RBM28: variants seen among roughly 807,000 people sequenced by gnomAD.
RBM28 encodes the protein RNA binding motif protein 28, also known as RNA-binding protein 28.
RBM28 carries 78 observed loss-of-function variants against 98.3 expected under a neutral mutation model. The ratio of observed to expected loss-of-function variants is 0.79; its 90% confidence interval spans 0.66 to 0.96. The LOEUF (loss-of-function observed/expected upper bound fraction) is 0.96. Ranked by LOEUF, RBM28 falls within the 40% of genes least tolerant of loss-of-function variation. The probability of loss-of-function intolerance (pLI) is 0.00; values close to 1 mark genes in which losing one functional copy is unlikely to be tolerated. For missense variants in RBM28, 838 were observed against 913.0 expected, an observed-to-expected ratio of 0.92 and a Z score of 1.06; for synonymous variants, 306 against 330.9, an observed-to-expected ratio of 0.92 and a Z score of 0.82.
At chr7:128,310,987 C>T in intron 18 of RBM28, 56 bp from the exon 19 acceptor site, 6 of 1,563,002 alleles carry the variant, frequency 3.8e-6, no homozygotes, top group Non-Finnish European at 3.5e-6. Context: ...CTATATATCA[C>T]CTTACCCTCA....
intron 17 of RBM28, among the ~76,000 whole-genome samples, chr7:128,313,712 T>C (rs1306836459): frequency 6.6e-6 from 1 of 152,186 alleles, no homozygotes; most frequent in Non-Finnish European, 1.5e-5. Context: ...GGGAGGTGAC[T>C]GGATCATGGG....
chr7:128,341,718 T>C (rs1355013923), intron 1 of RBM28, among the ~76,000 whole-genome samples: 1 of 152,240 alleles, frequency 6.6e-6, no homozygotes, highest in African/African-American at 2.4e-5. Context: ...AGAACTCCCA[T>C]TCAATGGCCT....
intron 8 of RBM28, among the ~76,000 whole-genome samples, chr7:128,334,736 C>A (rs933518613): frequency 3.3e-5 from 5 of 152,116 alleles, no homozygotes; most frequent in Admixed American, 6.5e-5. Context: ...CACTGTGTTC[C>A]CCCAAAATTC....
At chr7:128,320,712 G>C (rs1466119762) in intron 14 of RBM28, among the ~76,000 whole-genome samples, 1 of 152,244 alleles carries the variant, frequency 6.6e-6, no homozygotes, top group Non-Finnish European at 1.5e-5. Flanking sequence ...GCACACAACA[G>C]GCATTTAATA....
At chr7:128,322,804 C>G (rs76299917) in intron 13 of RBM28, among the ~76,000 whole-genome samples, 2 of 152,080 alleles carry the variant, frequency 1.3e-5, no homozygotes, top group Non-Finnish European at 2.9e-5. Flanking sequence ...GTTGAAAACA[C>G]TAGTGCAGAA....
Position 128,335,631 on chromosome 7 carries a change from C to A in RBM28, c.858G>T (p.Glu286Asp). ...APAKSSDHSEEDSDLEESDSI... is the reference protein window; with the variant it reads ...APAKSSDHSEDDSDLEESDSI... Reference sequence around the variant, plus strand: ...TATCGCTTTCCTCTAGGTCACTGTCCTCCTCAGAATGATCACTGCTTTTTG... The same window carrying A: ...TATCGCTTTCCTCTAGGTCACTGTCATCCTCAGAATGATCACTGCTTTTTG... The change falls in exon 8 of 19, where the codon GAG becomes GAT. Residue 286 changes from glutamate (E) to aspartate (D), a missense_variant. Coordinates refer to ENST00000223073, the MANE Select transcript of RBM28 (RefSeq NM_018077.3). 1.9e-6 allele frequency: 3 copies of A among 1,614,194 alleles called. No individual in the cohort carries two copies. The highest frequency in any genetic ancestry group is 2.5e-6 in the Non-Finnish European group (3 of 1,180,034).
intron 11 of RBM28, 21 bp downstream of exon 11, chr7:128,325,797 T>C (rs749275181): frequency 1.9e-6 from 3 of 1,590,082 alleles, no homozygotes; most frequent in African/African-American, 1.3e-5. Flanking sequence ...TGTTATAAGG[T>C]AAAGGAAATA....
intron 13 of RBM28, 36 bp from the exon 14 acceptor site, chr7:128,321,460 C>T: frequency 6.2e-7 from 1 of 1,612,898 alleles, no homozygotes; most frequent in Non-Finnish European, 8.5e-7. Context: ...GTACAACCCA[C>T]TCTTTTTAAG....
Position 128,324,887 on chromosome 7 carries a change from G to A in RBM28, c.1204-193C>T, listed in dbSNP as rs189473904. Among the ~76,000 whole-genome samples the A allele has an allele frequency of 4.0e-4, 61 of 152,154 alleles. 1 individual carries two copies. In the East Asian group the frequency reaches 6.2e-3, roughly 15 times the overall value. ...AAATTAGCCGGGCATGGTGGTGTGC[G>A]CCTGTAATCCTACTCAGGAGGCTGA... On this transcript the variant is annotated intron_variant, in intron 11 of 18. Transcript: ENST00000223073.
At chr7:128,314,614 A>G in intron 17 of RBM28, 150 bp downstream of exon 17, 1 of 1,321,268 alleles carries the variant, frequency 7.6e-7, no homozygotes, top group Non-Finnish European at 1.1e-6. Flanking sequence ...ATGGTGTTGA[A>G]GACTCGCGTG....
chr7:128,341,161 T>C (rs920550382), intron 1 of RBM28: 1 of 1,289,554 alleles, frequency 7.8e-7, no homozygotes, highest in African/African-American at 1.5e-5. Context: ...CTCTTTCCAC[T>C]GCATTTGAAT....
At chr7:128,313,590 C>T (rs1054127616) in intron 17 of RBM28, among the ~76,000 whole-genome samples, 2 of 152,194 alleles carry the variant, frequency 1.3e-5, no homozygotes, top group Non-Finnish European at 2.9e-5. Context: ...GATCATGCCA[C>T]TGCACTCTAG....
chr7:128,342,070 G>A (rs983682202), intron 1 of RBM28, among the ~76,000 whole-genome samples: 3 of 151,844 alleles, frequency 2.0e-5, no homozygotes, highest in African/African-American at 7.3e-5. Flanking sequence ...GAAGTAGGAG[G>A]ATTGCTTGAG....
chr7:128,337,830 G>A (rs1004342864), intron 5 of RBM28, among the ~76,000 whole-genome samples: 2 of 152,120 alleles, frequency 1.3e-5, no homozygotes, highest in Non-Finnish European at 2.9e-5. Flanking sequence ...CAAAGTGCTA[G>A]GATTACAGGT....
chr7:128,335,768 G>C (rs1402559191), intron 7 of RBM28, 79 bp downstream of exon 7: 30 of 1,613,066 alleles, frequency 1.9e-5, no homozygotes, highest in Non-Finnish European at 2.5e-5. Context: ...AATGATGCAG[G>C]CAGAAAAAGG....
In RBM28 at chr7:128,299,302, T is replaced by C. The variant is rs1795750626; in HGVS notation, c.*11495A>G. The C allele has an allele frequency of 1.3e-5, 2 of 152,236 alleles. No homozygotes were observed. Among genetic ancestry groups the C allele is most frequent in the Admixed American group, 1.3e-4 (2 of 15,278 alleles). 9.4% of individuals were successfully genotyped at this position (152,236 alleles called of 1,614,324 possible). ...CTGTATAACTTTGGCAGGCCCTGGC[T>C]ATAGGGATTGTCCCTAGTTGTCCCA... On this transcript the variant is annotated 3_prime_UTR_variant, in exon 19 of 19. Coordinates refer to ENST00000223073, the MANE Select transcript of RBM28 (RefSeq NM_018077.3).
rs376000913 is a variant in RBM28 at position 128,297,984 on chromosome 7, T to C, written c.*12813A>G. The C allele has an allele frequency of 8.5e-6, 1 of 117,048 alleles. No homozygotes were observed. The highest frequency in any genetic ancestry group is 3.2e-5 in the African/African-American group (1 of 31,034). The allele number at this position is 117,048 out of a possible 1,614,324, so 7.3% of individuals were successfully genotyped here. On this transcript the variant is annotated 3_prime_UTR_variant, in exon 19 of 19. Transcript: ENST00000223073. ...GGGGAACATCACACTCTGGGGACTATTGAGGGGTGGGGGGAGGGGGGAGGG... is the reference window on the plus strand; with the variant it reads ...GGGGAACATCACACTCTGGGGACTACTGAGGGGTGGGGGGAGGGGGGAGGG...
intron 1 of RBM28, among the ~76,000 whole-genome samples, chr7:128,342,242 C>A (rs1483683112): frequency 2.0e-5 from 3 of 152,188 alleles, no homozygotes; most frequent in Non-Finnish European, 4.4e-5. Flanking sequence ...GTTTAATAAA[C>A]ATTACTGTAC....
Position 128,308,986 on chromosome 7 carries a change from A to AAAAAAG in RBM28, c.*1810_*1811insCTTTTT, listed in dbSNP as rs916020943. ...AGCAAGACTGTCTCAAAAAAAAAAA[A>AAAAAAG]AAAAAAGAAATAACCATATCTCTAG... On this transcript the variant is annotated 3_prime_UTR_variant, in exon 19 of 19. Coordinates refer to ENST00000223073, the MANE Select transcript of RBM28 (RefSeq NM_018077.3). 2 of 151,974 alleles carry AAAAAAG rather than the reference A, an allele frequency of 1.3e-5. No homozygotes were observed. The highest frequency in any genetic ancestry group is 2.9e-5 in the Non-Finnish European group (2 of 68,398). 9.4% of individuals were successfully genotyped at this position (151,974 alleles called of 1,614,324 possible).
Sources: allele counts gnomAD v4.1 joint callset (sites outside exome capture counted in the v4.1 genomes callset), GRCh38; gene constraint gnomAD v4.1.1; transcripts MANE v1.5; gene names NCBI Gene and HGNC (gene_info 2026-07-23, HGNC 2026-07-21).